The following GRAMD1C variants were observed in gnomAD, a reference collection of about 807,000 sequenced individuals.
GRAMD1C encodes GRAM domain containing 1C.
Under a neutral mutation model 97.8 loss-of-function variants are expected in GRAMD1C, and 89 were observed. The ratio of observed to expected loss-of-function variants is 0.91; its 90% CI spans 0.77 to 1.09. The LOEUF is 1.09. Ranked by LOEUF, GRAMD1C falls within the 50% of genes least tolerant of loss-of-function variation. The probability of loss-of-function intolerance (pLI) is 0.00; values close to 1 mark genes in which losing one functional copy is unlikely to be tolerated. For missense variants in GRAMD1C, 740 were observed against 766.4 expected (o/e 0.97, Z 0.41); for synonymous variants, 256 against 267.0 (o/e 0.96, Z 0.40).
In GRAMD1C at chr3:113,828,842, A is replaced by C. The variant is rs1364148239; in HGVS notation, n.98+563A>C. On this transcript the variant is annotated intron_variant and non_coding_transcript_variant, in intron 1 of 18. Coordinates refer to the GRAMD1C transcript ENST00000479212. ...CCACTCCTGTCAGCCACCCACTCTCATGCTCATATCATAGAACTTATCATT... is the reference window on the plus strand; with the variant it reads ...CCACTCCTGTCAGCCACCCACTCTCCTGCTCATATCATAGAACTTATCATT... Among the ~76,000 whole-genome samples, 3 of 152,062 alleles carry C rather than the reference A, an allele frequency of 2.0e-5. No individual in the cohort carries two copies. The East Asian group carries it at 5.8e-4, about 29-fold the overall frequency.
At chr3:113,831,445 AT>A (rs1285629744) in intron 1 of GRAMD1C, among the ~76,000 whole-genome samples, 2 of 151,704 alleles carry the variant, frequency 1.3e-5, no homozygotes, top group African/African-American at 2.4e-5. Context: ...ATGTGACAAA[AT>A]TTTTTGTAGA....
chr3:113,919,278 G>T (rs942135773), intron 10 of GRAMD1C: 34 of 452,170 alleles, frequency 7.5e-5, no homozygotes, highest in Admixed American at 2.4e-4. Flanking sequence ...TGTCTTTAAT[G>T]ATGGAGAAGC....
chr3:113,909,040 T>A lies in GRAMD1C; in HGVS notation c.872T>A (p.Val291Glu), dbSNP rs1936469334. 1.9e-6 allele frequency: 3 copies of A among 1,568,858 alleles called. No homozygotes were observed. Among genetic ancestry groups the A allele is most frequent in the Admixed American group, 3.8e-5 (2 of 52,908 alleles). The change falls in exon 9 of 18, where the codon GTG (valine) becomes GAG (glutamate). Residue 291 changes from valine (V) to glutamate (E), a missense_variant. Coordinates refer to ENST00000358160, the MANE Select transcript of GRAMD1C (RefSeq NM_017577.5). Reference sequence around the variant, plus strand: ...ACTTTGGAAAAGAAGTTAACTAGAGTGCCATCAAAGTCACTGGACTTGAAT... The same window carrying A: ...ACTTTGGAAAAGAAGTTAACTAGAGAGCCATCAAAGTCACTGGACTTGAAT... ...LPTLEKKLTR[V>E]PSKSLDLNKN...
chr3:113,936,535 TCTCCTTTTCTTCC>T, intron 14 of GRAMD1C, 93 bp downstream of exon 14: 1 of 734,046 alleles, frequency 1.4e-6, no homozygotes, highest in Non-Finnish European at 2.3e-6. Flanking sequence ...TGTCAGGAGG[TCTCCTTTTCTTCC>T]CTCCTTTTTG....
At chr3:113,876,621 CA>C (rs11294192) in intron 5 of GRAMD1C, among the ~76,000 whole-genome samples, 16,166 of 152,092 alleles carry the variant, frequency 0.11, 989 homozygotes, top group African/African-American at 0.16. Flanking sequence ...GAGATTTGGA[CA>C]GCATACACAT....
At chr3:113,888,034 G>A (rs1935581538) in intron 6 of GRAMD1C, among the ~76,000 whole-genome samples, 1 of 151,886 alleles carries the variant, frequency 6.6e-6, no homozygotes, top group East Asian at 1.9e-4. Context: ...AGGCCCAGGT[G>A]GCTTCATTGG....
At chr3:113,870,076 A>C (rs1934735538) in intron 3 of GRAMD1C, among the ~76,000 whole-genome samples, 1 of 152,154 alleles carries the variant, frequency 6.6e-6, no homozygotes, top group Non-Finnish European at 1.5e-5. Context: ...ATAGAGTAGA[A>C]TGATGCCAGG....
At chr3:113,909,609 T>C (rs1482061315) in intron 9 of GRAMD1C, among the ~76,000 whole-genome samples, 1 of 152,036 alleles carries the variant, frequency 6.6e-6, no homozygotes, top group Non-Finnish European at 1.5e-5. Flanking sequence ...TTATTTTCTC[T>C]TTTCCTCCTT....
chr3:113,885,460 T>A, intron 6 of GRAMD1C: 2 of 1,587,648 alleles, frequency 1.3e-6, no homozygotes, highest in East Asian at 4.5e-5. Context: ...GTCCCGGAAT[T>A]GGCTAGCCCA....
At position 113,870,767 on chromosome 3, in the gene GRAMD1C, C is replaced by T. The variant is rs1417348391; in HGVS notation, c.259+1176C>T. Reference sequence around the variant, plus strand: ...GATAAGCAGCATCTTCATAATTAGACAATGGAAAACTCAATTGCAATTCAG... The same window carrying T: ...GATAAGCAGCATCTTCATAATTAGATAATGGAAAACTCAATTGCAATTCAG... On this transcript the variant is annotated intron_variant, in intron 3 of 17. Coordinates refer to ENST00000358160, the MANE Select transcript of GRAMD1C (RefSeq NM_017577.5). Among the ~76,000 whole-genome samples, 3 of 150,804 alleles carry T rather than the reference C, an allele frequency of 2.0e-5. No homozygotes were observed. In the East Asian group the frequency reaches 5.8e-4, roughly 29 times the overall value.
chr3:113,836,552 T>C (rs145111773), upstream of GRAMD1C, among the ~76,000 whole-genome samples: 691 of 151,610 alleles, frequency 4.6e-3, 5 homozygotes, highest in African/African-American at 0.016. Flanking sequence ...TACATCCCCA[T>C]GGATAACAGG....
intron 2 of GRAMD1C, among the ~76,000 whole-genome samples, chr3:113,852,172 G>A (rs527364313): frequency 6.6e-6 from 1 of 151,994 alleles, no homozygotes; most frequent in Admixed American, 6.5e-5. Flanking sequence ...AATTAATGTT[G>A]TACTATTAAA....
chr3:113,922,254 G>A (rs1937086944), intron 10 of GRAMD1C, among the ~76,000 whole-genome samples: 1 of 151,802 alleles, frequency 6.6e-6, no homozygotes, highest in African/African-American at 2.4e-5. Context: ...ATATTTTTTT[G>A]TAGAGATGAG....
At chr3:113,883,358 C>G (rs1454612645) in intron 6 of GRAMD1C, among the ~76,000 whole-genome samples, 1 of 151,952 alleles carries the variant, frequency 6.6e-6, no homozygotes, top group Non-Finnish European at 1.5e-5. Context: ...AACCCTGTCT[C>G]TACAAAAAAT....
At position 113,844,632 on chromosome 3, in the gene GRAMD1C, G is replaced by A. The variant is rs1159212133; in HGVS notation, c.157G>A (p.Gly53Ser). 1.3e-6 allele frequency: 2 copies of A among 1,589,236 alleles called. No individual in the cohort carries two copies. Among genetic ancestry groups the A allele is most frequent in the Non-Finnish European group, 1.7e-6 (2 of 1,170,730 alleles). Reference protein sequence around the residue: ...KQGPNLHNWSGDWSFWISSST... With the variant: ...KQGPNLHNWSSDWSFWISSST... ...GGGGCCAAATTTACATAATTGGAGTGGTGACTGGAGCTTTTGGGTAATTTC... is the reference window on the plus strand; with the variant it reads ...GGGGCCAAATTTACATAATTGGAGTAGTGACTGGAGCTTTTGGGTAATTTC... The change falls in exon 2 of 18, where the codon GGT (glycine) becomes AGT (serine). Residue 53 changes from glycine (G) to serine (S), a missense_variant. Physicochemically the swap from Gly to Ser is moderately conservative, Grantham distance 56. Coordinates refer to ENST00000358160, the MANE Select transcript of GRAMD1C (RefSeq NM_017577.5).
chr3:113,911,402 G>A (rs902130259), intron 9 of GRAMD1C, among the ~76,000 whole-genome samples: 1 of 151,616 alleles, frequency 6.6e-6, no homozygotes, highest in African/African-American at 2.4e-5. Flanking sequence ...GCACCACCAC[G>A]CCCAGCTAAT....
At chr3:113,832,068 C>T (rs7632377) in intron 1 of GRAMD1C, among the ~76,000 whole-genome samples, 101,938 of 150,280 alleles carry the variant, frequency 0.68, 35,206 homozygotes, top group South Asian at 0.79. Context: ...CTTACTCTGT[C>T]GCTCAGGCTG....
At chr3:113,902,649 C>CT (rs988318537) in intron 7 of GRAMD1C, among the ~76,000 whole-genome samples, 1 of 151,984 alleles carries the variant, frequency 6.6e-6, no homozygotes, top group African/African-American at 2.4e-5. Flanking sequence ...TGAATGCTTT[C>CT]TTTTTTTTCT....
Position 113,838,818 on chromosome 3 carries a change from A to C in GRAMD1C, c.-92A>C. Reference sequence around the variant, plus strand: ...GAGGGCCGGCGGAGGAGGCGCGCGGAGCCTGTAACTCGCAGCGCGCGCTGG... The same window carrying C: ...GAGGGCCGGCGGAGGAGGCGCGCGGCGCCTGTAACTCGCAGCGCGCGCTGG... On this transcript the variant is annotated 5_prime_UTR_variant, in exon 1 of 18. Transcript: ENST00000358160. 5 of 922,454 alleles carry C rather than the reference A, an allele frequency of 5.4e-6. No homozygotes were observed. Among genetic ancestry groups the C allele is most frequent in the Non-Finnish European group, 7.1e-6 (5 of 708,550 alleles). The allele number at this position is 922,454 out of a possible 1,614,324, so 57.1% of individuals were successfully genotyped here. A position where few individuals can be genotyped will look rare whatever the true frequency, so the allele number is the denominator to read the frequency against.
Sources: gnomAD v4.1 joint callset for allele counts (sites outside exome capture counted in the v4.1 genomes callset) on GRCh38, gnomAD v4.1.1 for gene constraint, MANE v1.5 for transcripts, NCBI Gene and HGNC (gene_info 2026-07-23, HGNC 2026-07-21) for gene names.